Variants in SLC25A26 observed in about 807,000 individuals in gnomAD.
SLC25A26 encodes mitochondrial S-adenosylmethionine carrier protein.
Under a neutral mutation model 37.8 loss-of-function variants are expected in SLC25A26, and 36 were observed. The ratio of observed to expected loss-of-function variants is 0.95; its 90% CI spans 0.73 to 1.26. SLC25A26 has a LOEUF of 1.26. Ranked by LOEUF, SLC25A26 falls within the 50% of genes most tolerant of loss-of-function variation. SLC25A26 has a pLI of 0.00. For synonymous variants in SLC25A26, 129 were observed against 122.5 expected, an observed-to-expected ratio of 1.05 and a Z score of -0.35; for missense variants, 390 against 331.1, an observed-to-expected ratio of 1.18 and a Z score of -1.38.
chr3:66,172,857 A>C (rs1258341963), intron 1 of SLC25A26, among the ~76,000 whole-genome samples: 1 of 152,044 alleles, frequency 6.6e-6, no homozygotes, highest in Non-Finnish European at 1.5e-5. Context: ...TCCCCTTTTT[A>C]TGAGGACACC....
At chr3:66,258,231 G>A (rs1385201118) in intron 3 of SLC25A26, among the ~76,000 whole-genome samples, 1 of 152,158 alleles carries the variant, frequency 6.6e-6, no homozygotes, top group Non-Finnish European at 1.5e-5. Flanking sequence ...TCTGAGAAAA[G>A]GGAGGAGGCC....
At chr3:66,374,666 T>G (rs1397860982) in intron 9 of SLC25A26, among the ~76,000 whole-genome samples, 1 of 152,176 alleles carries the variant, frequency 6.6e-6, no homozygotes, top group Non-Finnish European at 1.5e-5. Flanking sequence ...GGCAGATGGC[T>G]TGAGCCCAAG....
intron 9 of SLC25A26, among the ~76,000 whole-genome samples, chr3:66,372,252 A>C (rs551040213): frequency 6.6e-6 from 1 of 152,182 alleles, no homozygotes; most frequent in Admixed American, 6.5e-5. Context: ...TTCTGTGGCA[A>C]CTGTTGGGCA....
intron 1 of SLC25A26, among the ~76,000 whole-genome samples, chr3:66,146,115 G>GGATC (rs1460383399): frequency 6.6e-6 from 1 of 152,080 alleles, no homozygotes; most frequent in Non-Finnish European, 1.5e-5. Context: ...TGAGGCTGGT[G>GGATC]GATCACCTGA....
At chr3:66,327,768 A>G (rs1453002326) in intron 5 of SLC25A26, among the ~76,000 whole-genome samples, 1 of 152,142 alleles carries the variant, frequency 6.6e-6, no homozygotes, top group Non-Finnish European at 1.5e-5. Flanking sequence ...TTTAATTTGT[A>G]ATTTTTTATG....
In SLC25A26 at chr3:66,146,214, C is replaced by T. The variant is rs543913042; in HGVS notation, c.-354+12230C>T. On this transcript the variant is annotated intron_variant, in intron 1 of 10. Transcript: ENST00000676754. The stretch of plus-strand genomic sequence containing the variant: ...AATTAGCCGGGTGTGGTGGCAGGCA[C>T]CTGTAACCTCAGCTACTTGGGAGGC... Among the ~76,000 whole-genome samples the T allele has an allele frequency of 2.6e-4, 39 of 152,058 alleles. No homozygotes were observed. In the East Asian group the frequency reaches 7.4e-3, roughly 29 times the overall value.
chr3:66,376,639 C>T (rs919594436), intron 9 of SLC25A26, among the ~76,000 whole-genome samples: 3 of 152,156 alleles, frequency 2.0e-5, no homozygotes, highest in South Asian at 2.1e-4. Context: ...CTTTTCTGTG[C>T]CCTGGGAAAC....
intron 1 of SLC25A26, among the ~76,000 whole-genome samples, chr3:66,194,880 C>A (rs2071017669): frequency 6.6e-6 from 1 of 152,190 alleles, no homozygotes. Context: ...GGATTACAGG[C>A]GTGAGACACC....
intron 1 of SLC25A26, among the ~76,000 whole-genome samples, chr3:66,224,170 A>G (rs1032389532): frequency 6.6e-6 from 1 of 152,202 alleles, no homozygotes; most frequent in Non-Finnish European, 1.5e-5. Flanking sequence ...ATTCATGGGG[A>G]AAAAAAGCCA....
At chr3:66,175,099 A>ATG (rs202148683) in intron 1 of SLC25A26, among the ~76,000 whole-genome samples, 105 of 109,670 alleles carry the variant, frequency 9.6e-4, no homozygotes, top group African/African-American at 1.8e-3. Context: ...GTATATGTAT[A>ATG]TGTGTGTGTG....
intron 5 of SLC25A26, among the ~76,000 whole-genome samples, chr3:66,268,094 T>G (rs2073825406): frequency 6.6e-6 from 1 of 152,236 alleles, no homozygotes; most frequent in African/African-American, 2.4e-5. Flanking sequence ...GGAGATCATT[T>G]ATATCACTTC....
chr3:66,338,260 A>G (rs2076134606), intron 5 of SLC25A26, among the ~76,000 whole-genome samples: 1 of 152,014 alleles, frequency 6.6e-6, no homozygotes, highest in Admixed American at 6.6e-5. Context: ...GATGGACGTT[A>G]GCTGTTGTGA....
At chr3:66,151,608 G>A (rs935566298) in intron 1 of SLC25A26, among the ~76,000 whole-genome samples, 6 of 152,206 alleles carry the variant, frequency 3.9e-5, no homozygotes, top group African/African-American at 1.4e-4. Context: ...TCTTGTGGCA[G>A]CTCACTGGGT....
intron 5 of SLC25A26, among the ~76,000 whole-genome samples, chr3:66,315,922 C>T (rs7611047): frequency 0.053 from 8,019 of 152,114 alleles, 605 homozygotes; most frequent in African/African-American, 0.17. Flanking sequence ...TTGTCAGAGA[C>T]TAGGATTGTA....
At chr3:66,309,413 G>C (rs1198140900) in intron 5 of SLC25A26, among the ~76,000 whole-genome samples, 5 of 150,338 alleles carry the variant, frequency 3.3e-5, no homozygotes, top group African/African-American at 1.2e-4. Context: ...TCATTGGTCT[G>C]GCTAGTGGTC....
Position 66,369,556 on chromosome 3 carries a change from TA to T in SLC25A26, c.633+16del. 1 of 1,579,244 alleles carries T rather than the reference TA, an allele frequency of 6.3e-7. No individual in the cohort carries two copies. Among genetic ancestry groups the T allele is most frequent in the Non-Finnish European group, 8.6e-7 (1 of 1,158,920 alleles). Reference sequence around the variant, plus strand: ...ACGCTGGCAAAGGTAAGTGGTGAAATAATGTAATGGAGATACTTCAGATGCT... The same window carrying T: ...ACGCTGGCAAAGGTAAGTGGTGAAATATGTAATGGAGATACTTCAGATGCT... On this transcript the variant is annotated intron_variant, in intron 8 of 9. Transcript: ENST00000354883.
intron 1 of SLC25A26, among the ~76,000 whole-genome samples, chr3:66,149,824 G>C (rs971407530): frequency 6.6e-6 from 1 of 152,164 alleles, no homozygotes; most frequent in African/African-American, 2.4e-5. Context: ...ACTGTCTGAG[G>C]CACACTGCAA....
At chr3:66,251,899 TTTAG>T (rs2073099581) in intron 3 of SLC25A26, among the ~76,000 whole-genome samples, 2 of 152,236 alleles carry the variant, frequency 1.3e-5, no homozygotes, top group Non-Finnish European at 2.9e-5. Flanking sequence ...GATTTTTTTA[TTTAG>T]TTAGTGGACA....
At chr3:66,240,743 TTTTC>T (rs1475687988) in intron 2 of SLC25A26, among the ~76,000 whole-genome samples, 11 of 127,274 alleles carry the variant, frequency 8.6e-5, no homozygotes, top group Admixed American at 3.2e-4. Flanking sequence ...TAGCCTTTTC[TTTTC>T]TTTTTTTTTT....
Sources: gnomAD v4.1 joint callset for allele counts (sites outside exome capture counted in the v4.1 genomes callset) on GRCh38, gnomAD v4.1.1 for gene constraint, MANE v1.5 for transcripts, NCBI Gene and HGNC (gene_info 2026-07-23, HGNC 2026-07-21) for gene names.